ARHGAP20: variants seen among roughly 807,000 people sequenced by gnomAD.
ARHGAP20 encodes the protein Rho GTPase activating protein 20, also known as rho GTPase-activating protein 20.
A neutral mutation model predicts 73.7 loss-of-function variants in ARHGAP20; 34 were observed. The observed-to-expected ratio is 0.46, with a 90% CI of 0.35 to 0.61. The LOEUF (loss-of-function observed/expected upper bound fraction) is 0.61. ARHGAP20 is among the 20% of genes least tolerant of loss of function. The probability of loss-of-function intolerance (pLI) is 0.00; values close to 1 mark genes in which losing one functional copy is unlikely to be tolerated. For synonymous variants in ARHGAP20, 523 were observed against 518.2 expected, an observed-to-expected ratio of 1.01 and a Z score of -0.13; for missense variants, 1,314 against 1,420.9, an observed-to-expected ratio of 0.92 and a Z score of 1.21.
At chr11:110,632,022 G>A (rs573215650) in intron 2 of ARHGAP20, among the ~76,000 whole-genome samples, 79 of 152,228 alleles carry the variant, frequency 5.2e-4, no homozygotes, top group African/African-American at 1.9e-3. Flanking sequence ...ACATTTATCA[G>A]TAATTCATTC....
At chr11:110,666,160 C>CAA (rs1371970945) in intron 2 of ARHGAP20, among the ~76,000 whole-genome samples, 1 of 151,936 alleles carries the variant, frequency 6.6e-6, no homozygotes, top group African/African-American at 2.4e-5. Context: ...AAGAATTTGA[C>CAA]AAAAATGTGC....
chr11:110,638,005 G>A (rs1159883773), intron 2 of ARHGAP20, among the ~76,000 whole-genome samples: 4 of 152,040 alleles, frequency 2.6e-5, no homozygotes, highest in Non-Finnish European at 5.9e-5. Context: ...CTCCTATCAC[G>A]TAAGGGGCTT....
intron 2 of ARHGAP20, among the ~76,000 whole-genome samples, chr11:110,685,232 ATTTTAT>A (rs1487366921): frequency 1.3e-5 from 2 of 152,204 alleles, no homozygotes; most frequent in African/African-American, 2.4e-5. Context: ...CAACACTTTC[ATTTTAT>A]TTTTAAGAAA....
At chr11:110,673,376 A>G (rs1368224061) in intron 2 of ARHGAP20, among the ~76,000 whole-genome samples, 1 of 152,186 alleles carries the variant, frequency 6.6e-6, no homozygotes, top group Non-Finnish European at 1.5e-5. Context: ...CATATAATAG[A>G]GTACTCATAA....
At chr11:110,601,510 G>A (rs1416401867) in intron 9 of ARHGAP20, among the ~76,000 whole-genome samples, 2 of 152,184 alleles carry the variant, frequency 1.3e-5, no homozygotes, top group Admixed American at 1.3e-4. Context: ...TAGCTGGCAT[G>A]TTTTTAATTA....
At chr11:110,628,715 C>T (rs1948799604) in intron 3 of ARHGAP20, among the ~76,000 whole-genome samples, 1 of 152,032 alleles carries the variant, frequency 6.6e-6, no homozygotes, top group Non-Finnish European at 1.5e-5. Flanking sequence ...ATTTTTTTCA[C>T]TTCACGAAAA....
intron 11 of ARHGAP20, among the ~76,000 whole-genome samples, chr11:110,586,875 T>TG (rs1947682168): frequency 1.3e-5 from 2 of 152,202 alleles, no homozygotes; most frequent in Non-Finnish European, 2.9e-5. Flanking sequence ...AAGAGGTACT[T>TG]AAGGTTTCTC....
intron 2 of ARHGAP20, among the ~76,000 whole-genome samples, chr11:110,646,671 G>C (rs948862569): frequency 3.1e-4 from 47 of 152,176 alleles, no homozygotes; most frequent in African/African-American, 1.1e-3. Flanking sequence ...TTGACAAAGG[G>C]TGAACTTTTA....
chr11:110,617,533 G>A (rs1565440779), intron 4 of ARHGAP20, among the ~76,000 whole-genome samples: 2 of 152,172 alleles, frequency 1.3e-5, no homozygotes, highest in Non-Finnish European at 2.9e-5. Flanking sequence ...AAAGTGCTGG[G>A]ATTACAAGTG....
At chr11:110,656,643 T>C (rs528197792) in intron 2 of ARHGAP20, among the ~76,000 whole-genome samples, 31 of 152,274 alleles carry the variant, frequency 2.0e-4, no homozygotes, top group Non-Finnish European at 3.8e-4. Context: ...TGCTCCTCCA[T>C]TGTGAGTATT....
chr11:110,679,996 G>A (rs150114941), intron 2 of ARHGAP20, among the ~76,000 whole-genome samples: 1 of 152,118 alleles, frequency 6.6e-6, no homozygotes, highest in Non-Finnish European at 1.5e-5. Flanking sequence ...ATCCAACTAA[G>A]AGTTGACCCA....
intron 2 of ARHGAP20, among the ~76,000 whole-genome samples, chr11:110,649,074 A>T (rs1269533397): frequency 6.6e-6 from 1 of 152,142 alleles, no homozygotes; most frequent in African/African-American, 2.4e-5. Context: ...TAACATTTTA[A>T]TTTAAATACT....
At chr11:110,626,060 C>A (rs1252019626) in intron 3 of ARHGAP20, among the ~76,000 whole-genome samples, 4 of 152,108 alleles carry the variant, frequency 2.6e-5, no homozygotes, top group Non-Finnish European at 5.9e-5. Context: ...TGGCTTCTTT[C>A]TATATTTCAA....
At chr11:110,638,073 G>A (rs1279201459) in intron 2 of ARHGAP20, among the ~76,000 whole-genome samples, 1 of 151,990 alleles carries the variant, frequency 6.6e-6, no homozygotes, top group East Asian at 1.9e-4. Context: ...TTGTAATACA[G>A]GTTGAGCATC....
At chr11:110,614,709 T>C in intron 5 of ARHGAP20, 64 bp from the exon 6 acceptor site, 2 of 1,075,692 alleles carry the variant, frequency 1.9e-6, no homozygotes, top group Non-Finnish European at 2.7e-6. Flanking sequence ...AATGGCTTAT[T>C]TTAAAAATCA....
intron 9 of ARHGAP20, among the ~76,000 whole-genome samples, chr11:110,603,401 C>T (rs1342600537): frequency 1.3e-5 from 2 of 152,108 alleles, no homozygotes; most frequent in African/African-American, 4.8e-5. Flanking sequence ...ATAAATCCAA[C>T]CTAAAATTAC....
At position 110,600,443 on chromosome 11, in the gene ARHGAP20, C is replaced by T. The variant is rs191002497; in HGVS notation, c.964+6118G>A. On this transcript the variant is annotated intron_variant, in intron 9 of 14. Coordinates refer to ENST00000683387, the MANE Select transcript of ARHGAP20 (RefSeq NM_001384657.1). The stretch of plus-strand genomic sequence containing the variant: ...TGCAGGCACGTGCAGCTGTCCGCTA[C>T]GCTGCAGCAGCTGGTATGTCTGACT... Among the ~76,000 whole-genome samples, 12 of 152,358 alleles carry T rather than the reference C, an allele frequency of 7.9e-5. 1 individual carries two copies. The South Asian group carries it at 1.4e-3, about 18-fold the overall frequency.
intron 1 of ARHGAP20, among the ~76,000 whole-genome samples, chr11:110,706,258 G>A (rs545622928): frequency 1.5e-4 from 23 of 152,192 alleles, no homozygotes; most frequent in Non-Finnish European, 2.5e-4. Flanking sequence ...AAGAGAAATG[G>A]AGTTGGAAGA....
At position 110,577,046 on chromosome 11, in the gene ARHGAP20, G is replaced by A; in HGVS notation, c.*2324C>T. 7.3e-7 allele frequency: 1 copy of A among 1,362,514 alleles called. No homozygotes were observed. The highest frequency in any genetic ancestry group is 1.3e-5 in the South Asian group (1 of 75,040). The allele number at this position is 1,362,514 out of a possible 1,614,324, so 84.4% of individuals were successfully genotyped here. A position where few individuals can be genotyped will look rare whatever the true frequency, so the allele number is the denominator to read the frequency against. ...AAGGGCAATATTGCTCTGGTGGGAT[G>A]GTTAATTCTGCAGAATGGCATTTTA... On this transcript the variant is annotated 3_prime_UTR_variant, in exon 15 of 15. Coordinates refer to ENST00000683387, the MANE Select transcript of ARHGAP20 (RefSeq NM_001384657.1).
Sources: allele counts gnomAD v4.1 joint callset (sites outside exome capture counted in the v4.1 genomes callset), GRCh38; gene constraint gnomAD v4.1.1; transcripts MANE v1.5; gene names NCBI Gene and HGNC (gene_info 2026-07-23, HGNC 2026-07-21).